ITIH5: variants seen among roughly 807,000 people sequenced by gnomAD.
ITIH5 encodes the protein inter-alpha-trypsin inhibitor heavy chain 5, also known as inter-alpha-trypsin inhibitor heavy chain H5.
ITIH5 carries 65 observed loss-of-function variants against 77.5 expected under a neutral mutation model. The observed-to-expected ratio is 0.84, with a 90% CI of 0.69 to 1.03. The LOEUF (loss-of-function observed/expected upper bound fraction) is 1.03, where lower values mean the gene tolerates loss of function less well. Ranked by LOEUF, ITIH5 falls within the 50% of genes least tolerant of loss-of-function variation. The pLI is 0.00. For synonymous variants in ITIH5, 525 were observed against 494.3 expected (o/e 1.06, Z -0.82); for missense variants, 1,208 against 1,213.1 (o/e 1.00, Z 0.06).
At chr10:7,606,820 C>A (rs1378084446) in intron 7 of ITIH5, among the ~76,000 whole-genome samples, 2 of 152,200 alleles carry the variant, frequency 1.3e-5, no homozygotes, top group Non-Finnish European at 2.9e-5. Context: ...ACTACCTCAA[C>A]AACAGCAATA....
chr10:7,595,474 T>C (rs539103091), intron 7 of ITIH5, among the ~76,000 whole-genome samples: 7 of 152,222 alleles, frequency 4.6e-5, no homozygotes, highest in Admixed American at 1.3e-4. Context: ...TATTTTATGG[T>C]GATGAATTCC....
At chr10:7,590,714 A>T (rs1455250237) in intron 7 of ITIH5, among the ~76,000 whole-genome samples, 1 of 152,164 alleles carries the variant, frequency 6.6e-6, no homozygotes, top group Non-Finnish European at 1.5e-5. Context: ...CATTATCCCC[A>T]CGTCTTTGTG....
chr10:7,665,257 CCT>C (rs1834343249), intron 1 of ITIH5, among the ~76,000 whole-genome samples: 1 of 152,166 alleles, frequency 6.6e-6, no homozygotes, highest in Non-Finnish European at 1.5e-5. Context: ...AAACAGCCTT[CCT>C]AGTTCAGACA....
At chr10:7,568,007 C>CT (rs1054361674) in intron 12 of ITIH5, among the ~76,000 whole-genome samples, 1 of 152,070 alleles carries the variant, frequency 6.6e-6, no homozygotes, top group African/African-American at 2.4e-5. Context: ...AATAGAACTC[C>CT]TTTTTTTTCT....
At chr10:7,628,844 AGCG>A in intron 5 of ITIH5, among the ~76,000 whole-genome samples, 1 of 143,442 alleles carries the variant, frequency 7.0e-6, no homozygotes, top group Non-Finnish European at 1.6e-5. Flanking sequence ...TCCCTGTTGT[AGCG>A]TGTGTCCCTG....
At position 7,566,296 on chromosome 10, in the gene ITIH5, G is replaced by C. The variant is rs1832155680; in HGVS notation, c.2261C>G (p.Ser754Cys). 1.9e-6 allele frequency: 3 copies of C among 1,613,866 alleles called. No homozygotes were observed. Among genetic ancestry groups the C allele is most frequent in the Non-Finnish European group, 2.5e-6 (3 of 1,179,942 alleles). ...TCTGCTCGGTGTGATCTCGAGATAA[G>C]ATCTCTCTGGCTTGTTGATGAGGAT... ...ITILINKPER[S>C]YLEITPSRVI... Residue 754 changes from serine to cysteine, a missense_variant, in exon 13 of 14, where the codon TCT (serine) becomes TGT (cysteine). Coordinates refer to ENST00000397146, the MANE Select transcript of ITIH5 (RefSeq NM_030569.7).
intron 2 of ITIH5, among the ~76,000 whole-genome samples, chr10:7,646,623 G>C (rs1834013549): frequency 6.6e-6 from 1 of 152,192 alleles, no homozygotes; most frequent in Admixed American, 6.5e-5. Flanking sequence ...GGGAGGTCTG[G>C]CTTCTCTACA....
At chr10:7,584,813 G>C (rs1428131129) in intron 8 of ITIH5, among the ~76,000 whole-genome samples, 1 of 152,112 alleles carries the variant, frequency 6.6e-6, no homozygotes, top group Non-Finnish European at 1.5e-5. Flanking sequence ...TGGTGTTGTG[G>C]ACTTCCTGCC....
chr10:7,585,770 GCCTGCAGTCTCCCTT>G (rs1365115527), intron 8 of ITIH5, 116 bp downstream of exon 8: 1 of 723,850 alleles, frequency 1.4e-6, no homozygotes, highest in Non-Finnish European at 2.2e-6. Context: ...GAAAGCTCTC[GCCTGCAGTCTCCCTT>G]CCTGCCATCA....
intron 6 of ITIH5, 27 bp from the exon 7 acceptor site, chr10:7,616,125 C>G (rs753023479): frequency 5.1e-6 from 7 of 1,359,550 alleles, no homozygotes; most frequent in Non-Finnish European, 6.3e-6. Flanking sequence ...AAAGTAAAAA[C>G]GGTAGTACCT....
At chr10:7,611,774 AC>A (rs1255969516) in intron 7 of ITIH5, among the ~76,000 whole-genome samples, 1 of 152,066 alleles carries the variant, frequency 6.6e-6, no homozygotes, top group East Asian at 1.9e-4. Flanking sequence ...TTTGTTTACA[AC>A]AAAAATTTAA....
At chr10:7,571,994 A>G (rs1564235724) in intron 11 of ITIH5, 2 of 1,005,440 alleles carry the variant, frequency 2.0e-6, no homozygotes, top group East Asian at 2.0e-4. Flanking sequence ...ATTTCTACTC[A>G]AATTGTCCAA....
At chr10:7,585,822 T>TG in intron 8 of ITIH5, 79 bp downstream of exon 8, 9 of 1,162,724 alleles carry the variant, frequency 7.7e-6, no homozygotes, top group Non-Finnish European at 8.1e-6. Flanking sequence ...CCTTATCTCT[T>TG]GGCAAAAAAA....
chr10:7,623,802 CAAAAAAA>C (rs55790282), intron 5 of ITIH5, among the ~76,000 whole-genome samples: 1 of 80,368 alleles, frequency 1.2e-5, no homozygotes. Context: ...GACTCCATCT[CAAAAAAA>C]AAAAAAAAAA....
chr10:7,610,069 C>CTTTTTTTTTTTTTTTTTTTTT (rs5782989), intron 7 of ITIH5, among the ~76,000 whole-genome samples: 2 of 86,736 alleles, frequency 2.3e-5, no homozygotes, highest in East Asian at 3.3e-4. Context: ...TTTCTTTTTT[C>CTTTTTTTTTTTTTTTTTTTTT]TTTTTTTTTT....
At chr10:7,611,505 C>T (rs1187011147) in intron 7 of ITIH5, among the ~76,000 whole-genome samples, 4 of 151,584 alleles carry the variant, frequency 2.6e-5, no homozygotes, top group African/African-American at 7.3e-5. Context: ...CCCTGGGGCA[C>T]TGGATTGGAC....
chr10:7,623,280 C>T (rs796909609), intron 5 of ITIH5, among the ~76,000 whole-genome samples: 11 of 152,320 alleles, frequency 7.2e-5, no homozygotes, highest in African/African-American at 2.6e-4. Context: ...GCTGCCTGCT[C>T]ATTTCCTCTT....
intron 13 of ITIH5, among the ~76,000 whole-genome samples, chr10:7,565,261 TAC>T (rs1356314209): frequency 2.0e-5 from 3 of 148,556 alleles, no homozygotes; most frequent in African/African-American, 2.5e-5. Flanking sequence ...TATACACATA[TAC>T]ACAGACTGTA....
intron 8 of ITIH5, among the ~76,000 whole-genome samples, chr10:7,581,309 T>C (rs1832547736): frequency 6.6e-6 from 1 of 151,750 alleles, no homozygotes; most frequent in African/African-American, 2.4e-5. Context: ...AAAATAAAGT[T>C]GGGGGCGAAA....
Sources: gnomAD v4.1 joint callset for allele counts (sites outside exome capture counted in the v4.1 genomes callset) on GRCh38, gnomAD v4.1.1 for gene constraint, MANE v1.5 for transcripts, NCBI Gene and HGNC (gene_info 2026-07-23, HGNC 2026-07-21) for gene names.